SATB2: variants seen among roughly 807,000 people sequenced by gnomAD.
SATB2 encodes the protein DNA-binding protein SATB2.
A neutral mutation model predicts 73.4 loss-of-function variants in SATB2; 1 was observed. The observed-to-expected ratio is 0.01, with a 90% CI of 0.00 to 0.06. The LOEUF (loss-of-function observed/expected upper bound fraction) is 0.06, where lower values mean the gene tolerates loss of function less well. Ranked by LOEUF, SATB2 falls within the 10% of genes least tolerant of loss-of-function variation. SATB2 has a pLI of 1.00. For missense variants in SATB2, 459 were observed against 945.8 expected, an observed-to-expected ratio of 0.49 and a Z score of 6.75; for synonymous variants, 397 against 367.0, an observed-to-expected ratio of 1.08 and a Z score of -0.93.
At chr2:199,411,574 T>G (rs969498090) in intron 3 of SATB2, among the ~76,000 whole-genome samples, 1 of 152,216 alleles carries the variant, frequency 6.6e-6, no homozygotes, top group Non-Finnish European at 1.5e-5. Flanking sequence ...CTGAAGTTCA[T>G]GGAGGTCAAC....
At chr2:199,340,045 AGCCATGCCATTTCACATGAAT>A (rs1688458240) in intron 7 of SATB2, among the ~76,000 whole-genome samples, 1 of 152,202 alleles carries the variant, frequency 6.6e-6, no homozygotes, top group Admixed American at 6.5e-5. Context: ...TAAAAGCAAA[AGCCATGCCATTTCACATGAAT>A]GTTTATATTT....
chr2:199,358,729 T>C (rs527801389), intron 6 of SATB2, among the ~76,000 whole-genome samples: 2 of 152,274 alleles, frequency 1.3e-5, no homozygotes, highest in South Asian at 4.1e-4. Flanking sequence ...TTTTCCATCA[T>C]ATTAACCTCC....
upstream of SATB2, among the ~76,000 whole-genome samples, chr2:199,468,613 A>G (rs1358942717): frequency 6.6e-6 from 1 of 152,220 alleles, no homozygotes; most frequent in Non-Finnish European, 1.5e-5. Flanking sequence ...GAGCTCCAGT[A>G]TAGACTAAGT....
intron 3 of SATB2, among the ~76,000 whole-genome samples, chr2:199,420,604 T>G (rs1691135631): frequency 6.6e-6 from 1 of 152,156 alleles, no homozygotes; most frequent in Non-Finnish European, 1.5e-5. Context: ...TCCTTTTAAT[T>G]TACATGGTTA....
chr2:199,446,534 A>G (rs1574636965), intron 2 of SATB2, among the ~76,000 whole-genome samples: 1 of 152,312 alleles, frequency 6.6e-6, no homozygotes, highest in East Asian at 1.9e-4. Flanking sequence ...AATTCCTTCC[A>G]AGGCAAAAAG....
intron 10 of SATB2, among the ~76,000 whole-genome samples, chr2:199,286,831 C>A (rs1692703047): frequency 6.6e-6 from 1 of 152,114 alleles, no homozygotes; most frequent in African/African-American, 2.4e-5. Context: ...TAACAGTTAC[C>A]TCTAGGATTC....
intron 5 of SATB2, among the ~76,000 whole-genome samples, chr2:199,370,006 C>G (rs934781902): frequency 6.6e-6 from 1 of 152,270 alleles, no homozygotes; most frequent in East Asian, 1.9e-4. Context: ...GGTCTGAACA[C>G]AGCACTGGGA....
intron 2 of SATB2, among the ~76,000 whole-genome samples, chr2:199,442,981 T>C (rs555721069): frequency 6.6e-6 from 1 of 151,822 alleles, no homozygotes; most frequent in African/African-American, 2.4e-5. Flanking sequence ...AGGGTTTCTG[T>C]CCTTTGTTAA....
At chr2:199,392,648 A>C (rs909357080) in intron 3 of SATB2, among the ~76,000 whole-genome samples, 4 of 152,128 alleles carry the variant, frequency 2.6e-5, no homozygotes, top group Non-Finnish European at 4.4e-5. Context: ...CAGATCTTGG[A>C]TCTGCCCTCT....
intron 2 of SATB2, among the ~76,000 whole-genome samples, chr2:199,438,064 T>C (rs777580203): frequency 1.2e-4 from 18 of 152,150 alleles, no homozygotes; most frequent in Non-Finnish European, 2.5e-4. Context: ...TTGAGATGTG[T>C]CGTAAGTATA....
chr2:199,427,422 T>C (rs143103407), intron 3 of SATB2, among the ~76,000 whole-genome samples: 34 of 152,238 alleles, frequency 2.2e-4, no homozygotes, highest in Admixed American at 7.8e-4. Flanking sequence ...AAAAAAAAAT[T>C]ACAAAATGAT....
intron 7 of SATB2, among the ~76,000 whole-genome samples, chr2:199,335,826 C>A (rs1255809673): frequency 6.6e-6 from 1 of 152,184 alleles, no homozygotes; most frequent in Admixed American, 6.6e-5. Context: ...CACCCTAAGT[C>A]TGTAATTTAT....
intron 6 of SATB2, among the ~76,000 whole-genome samples, chr2:199,360,509 A>C (rs1285672173): frequency 6.6e-6 from 1 of 152,024 alleles, no homozygotes; most frequent in Non-Finnish European, 1.5e-5. Flanking sequence ...TCATGGCATG[A>C]GCTGCCCATC....
In SATB2 at chr2:199,271,027, G is replaced by C. The variant is rs1692138769; in HGVS notation, c.*1184C>G. 6.6e-6 allele frequency: 1 copy of C among 152,446 alleles called. No homozygotes were observed. The highest frequency in any genetic ancestry group is 2.1e-4 in the South Asian group (1 of 4,818). The allele number at this position is 152,446 out of a possible 1,614,324, so 9.4% of individuals were successfully genotyped here. On this transcript the variant is annotated 3_prime_UTR_variant, in exon 11 of 11. Transcript: ENST00000417098. Reference sequence around the variant, plus strand: ...GAGAGGGAAGGATGGAGATTTATTTGAGAGGGAGCCCCTTTAACTGGGCAG... The same window carrying C: ...GAGAGGGAAGGATGGAGATTTATTTCAGAGGGAGCCCCTTTAACTGGGCAG...
intron 6 of SATB2, among the ~76,000 whole-genome samples, chr2:199,357,390 T>C (rs1398264931): frequency 6.6e-6 from 1 of 152,192 alleles, no homozygotes; most frequent in Non-Finnish European, 1.5e-5. Flanking sequence ...GTCACTTAAA[T>C]AGAATTATTT....
At chr2:199,388,030 C>T (rs964420857) in intron 3 of SATB2, among the ~76,000 whole-genome samples, 1 of 152,058 alleles carries the variant, frequency 6.6e-6, no homozygotes, top group Non-Finnish European at 1.5e-5. Flanking sequence ...TTTTTAGTAT[C>T]ATTTGCCTCT....
chr2:199,347,947 C>A (rs1688703454), intron 7 of SATB2: 1 of 152,148 alleles, frequency 6.6e-6, no homozygotes. Flanking sequence ...CAGACTTACT[C>A]AATCAGAAAC....
intron 2 of SATB2, among the ~76,000 whole-genome samples, chr2:199,449,035 TA>T (rs761473833): frequency 5.3e-5 from 8 of 152,216 alleles, no homozygotes; most frequent in Non-Finnish European, 7.4e-5. Context: ...AGTTTGCTGA[TA>T]ACTTTATTGC....
chr2:199,279,269 A>G (rs997791361), intron 10 of SATB2, among the ~76,000 whole-genome samples: 1 of 152,226 alleles, frequency 6.6e-6, no homozygotes, highest in African/African-American at 2.4e-5. Flanking sequence ...TCAAAATTTG[A>G]AAACAAAAAG....
Sources: allele counts gnomAD v4.1 joint callset (sites outside exome capture counted in the v4.1 genomes callset), GRCh38; gene constraint gnomAD v4.1.1; transcripts MANE v1.5; gene names NCBI Gene and HGNC (gene_info 2026-07-23, HGNC 2026-07-21).